PLAAT4: variants seen among roughly 807,000 people sequenced by gnomAD.
The protein encoded by PLAAT4 is phospholipase A and acyltransferase 4, also known as HRAS-like suppressor 4.
A neutral mutation model predicts 14.1 loss-of-function variants in PLAAT4; 12 were observed. That is an observed-to-expected ratio of 0.85 (90% confidence interval 0.54 to 1.37). The LOEUF (loss-of-function observed/expected upper bound fraction) is 1.37, where lower values mean the gene tolerates loss of function less well. PLAAT4 is among the 40% of genes most tolerant of loss of function. PLAAT4 has a pLI of 0.00. For missense variants in PLAAT4, 163 were observed against 211.7 expected (o/e 0.77, Z 1.43); for synonymous variants, 77 against 79.8 (o/e 0.96, Z 0.19).
intron 2 of PLAAT4, among the ~76,000 whole-genome samples, chr11:63,541,328 G>A (rs1200596450): frequency 6.6e-6 from 1 of 151,880 alleles, no homozygotes; most frequent in Non-Finnish European, 1.5e-5. Flanking sequence ...AATAGCTGAG[G>A]CTACAGGCGC....
At chr11:63,538,216 C>T (rs1007054994) in intron 1 of PLAAT4, among the ~76,000 whole-genome samples, 1 of 151,702 alleles carries the variant, frequency 6.6e-6, no homozygotes, top group South Asian at 2.1e-4. Flanking sequence ...TGAGGAAGGG[C>T]CAGTCAGGAA....
At position 63,539,506 on chromosome 11, in the gene PLAAT4, T is replaced by G; in HGVS notation, c.10-10T>G. 6.2e-7 allele frequency: 1 copy of G among 1,612,092 alleles called. No homozygotes were observed. Among genetic ancestry groups the G allele is most frequent in the Non-Finnish European group, 8.5e-7 (1 of 1,178,286 alleles). ...GGCCGGGTACTCCATCTCTGGCTTTTCTGTTGCAGCCACACCAAGAGCCCA... is the reference window on the plus strand; with the variant it reads ...GGCCGGGTACTCCATCTCTGGCTTTGCTGTTGCAGCCACACCAAGAGCCCA... On this transcript the variant is annotated splice_polypyrimidine_tract_variant and intron_variant, in intron 1 of 3. Coordinates refer to ENST00000255688, the MANE Select transcript of PLAAT4 (RefSeq NM_004585.5).
At position 63,546,348 on chromosome 11, in the gene PLAAT4, C is replaced by A; in HGVS notation, c.*92C>A. 1 of 1,108,736 alleles carries A rather than the reference C, an allele frequency of 9.0e-7. No homozygotes were observed. Among genetic ancestry groups the A allele is most frequent in the Non-Finnish European group, 1.4e-6 (1 of 731,724 alleles). The allele number at this position is 1,108,736 out of a possible 1,614,324, so 68.7% of individuals were successfully genotyped here. On this transcript the variant is annotated 3_prime_UTR_variant, in exon 4 of 4. Coordinates refer to ENST00000255688, the MANE Select transcript of PLAAT4 (RefSeq NM_004585.5). ...CCTCCAGCAGCCTGACCCTCGTGCC[C>A]TGTCTCAGGCGTTCTCTAGATCCTT...
At chr11:63,540,710 C>T (rs2017314916) in intron 2 of PLAAT4, among the ~76,000 whole-genome samples, 1 of 152,140 alleles carries the variant, frequency 6.6e-6, no homozygotes, top group Non-Finnish European at 1.5e-5. Flanking sequence ...TCTGTAATCC[C>T]AGCTACTCAG....
chr11:63,546,381 T>C lies in PLAAT4; in HGVS notation c.*125T>C, dbSNP rs937986527. 1 of 806,302 alleles carries C rather than the reference T, an allele frequency of 1.2e-6. No individual in the cohort carries two copies. The highest frequency in any genetic ancestry group is 1.7e-5 in the African/African-American group (1 of 58,046). The allele number at this position is 806,302 out of a possible 1,614,324, so 49.9% of individuals were successfully genotyped here. A position where few individuals can be genotyped will look rare whatever the true frequency, so the allele number is the denominator to read the frequency against. On this transcript the variant is annotated 3_prime_UTR_variant, in exon 4 of 4. Transcript: ENST00000255688. ...GGCGTTCTCTAGATCCTTTCCTCTG[T>C]TTCCCTCTCTCGCTGGCAAAAGTAT...
chr11:63,546,209 G>C lies in PLAAT4; in HGVS notation c.448G>C (p.Gly150Arg). 6.2e-7 allele frequency: 1 copy of C among 1,614,104 alleles called. No homozygotes were observed. The highest frequency in any genetic ancestry group is 8.5e-7 in the Non-Finnish European group (1 of 1,180,016). Reference sequence around the variant, plus strand: ...GGCGCTTGGAATCCTGGTTGTTGCTGGATGCTCTTTTGCGATTAGGAGATA... The same window carrying C: ...GGCGCTTGGAATCCTGGTTGTTGCTCGATGCTCTTTTGCGATTAGGAGATA... ...ATALGILVVA[G>R]CSFAIRRYQK... The change falls in exon 4 of 4, where the codon GGA becomes CGA. Residue 150 changes from glycine to arginine, a missense_variant. Physicochemically the swap from Gly to Arg is moderately radical, Grantham distance 125. Coordinates refer to ENST00000255688, the MANE Select transcript of PLAAT4 (RefSeq NM_004585.5).
rs776662198 is a variant in PLAAT4, at chr11:63,539,599, C to T, written c.93C>T (p.Gly31=). 6.2e-7 allele frequency: 1 copy of T among 1,611,652 alleles called. No homozygotes were observed. Among genetic ancestry groups the T allele is most frequent in the Non-Finnish European group, 8.5e-7 (1 of 1,177,810 alleles). ...ACTGGGCCCTGTATATAGGAGATGG[C>T]TACGTGATCCATCTGGCTCCTCCAA... The part of the protein sequence containing the change: ...YEHWALYIGD[G]YVIHLAPPSE... The change falls in exon 2 of 4, where the codon GGC becomes GGT. Residue 31 remains glycine (G), a synonymous_variant. Coordinates refer to ENST00000255688, the MANE Select transcript of PLAAT4 (RefSeq NM_004585.5).
chr11:63,539,638 A>T lies in PLAAT4; in HGVS notation c.118+14A>T, dbSNP rs2017305785. 2 of 1,566,730 alleles carry T rather than the reference A, an allele frequency of 1.3e-6. No homozygotes were observed. Among genetic ancestry groups the T allele is most frequent in the Non-Finnish European group, 1.8e-6 (2 of 1,140,272 alleles). On this transcript the variant is annotated intron_variant, in intron 2 of 3. Transcript: ENST00000255688. ...TGGCTCCTCCAAGTAAGGACTGATGAATATATAATTTTCAAAATATTTGTT... is the reference window on the plus strand; with the variant it reads ...TGGCTCCTCCAAGTAAGGACTGATGTATATATAATTTTCAAAATATTTGTT...
At chr11:63,544,591 C>T in intron 2 of PLAAT4, 30 bp from the exon 3 acceptor site, 1 of 1,596,110 alleles carries the variant, frequency 6.3e-7, no homozygotes, top group South Asian at 1.1e-5. Flanking sequence ...CTTCACCTTC[C>T]CCTGCCAGTG....
chr11:63,537,396 T>C (rs1244747925), intron 1 of PLAAT4, among the ~76,000 whole-genome samples: 2 of 152,092 alleles, frequency 1.3e-5, no homozygotes, highest in Non-Finnish European at 2.9e-5. Flanking sequence ...GATGTACCGA[T>C]TGGCAGAAGC....
chr11:63,544,820 C>T lies in PLAAT4; in HGVS notation c.318C>T (p.Tyr106=), dbSNP rs1471266451. The part of the protein sequence containing the change: ...AKEMVGQKMK[Y]SIVSRNCEHF... ...AGATGGTTGGTCAGAAGATGAAGTACAGTATTGTGAGCAGGAACTGTGAGC... is the reference window on the plus strand; with the variant it reads ...AGATGGTTGGTCAGAAGATGAAGTATAGTATTGTGAGCAGGAACTGTGAGC... Residue 106 remains tyrosine, a synonymous_variant, in exon 3 of 4, where the codon TAC becomes TAT. Coordinates refer to ENST00000255688, the MANE Select transcript of PLAAT4 (RefSeq NM_004585.5). 1 of 1,614,184 alleles carries T rather than the reference C, an allele frequency of 6.2e-7. No individual in the cohort carries two copies. Among genetic ancestry groups the T allele is most frequent in the Admixed American group, 1.7e-5 (1 of 60,018 alleles).
Position 63,544,670 on chromosome 11 carries a change from C to A in PLAAT4, c.168C>A (p.Asn56Lys). The A allele has an allele frequency of 1.9e-6, 3 of 1,614,152 alleles. No homozygotes were observed. Among genetic ancestry groups the A allele is most frequent in the Non-Finnish European group, 2.5e-6 (3 of 1,180,030 alleles). ...GSSSVFSVLS[N>K]SAEVKRERLE... ...CCAGTGTCTTCTCAGTCCTGAGCAA[C>A]AGTGCAGAGGTGAAACGGGAGCGCC... The change falls in exon 3 of 4, where the codon AAC (asparagine) becomes AAA (lysine). Residue 56 changes from asparagine (N) to lysine (K), a missense_variant. Transcript: ENST00000255688.
chr11:63,539,858 G>A (rs2134356586), intron 2 of PLAAT4, among the ~76,000 whole-genome samples: 1 of 152,346 alleles, frequency 6.6e-6, no homozygotes, highest in African/African-American at 2.4e-5. Context: ...CTACTCAGGA[G>A]GCTGAGGCAG....
chr11:63,536,987 T>A (rs1015154550), intron 1 of PLAAT4, 110 bp downstream of exon 1: 10 of 1,299,976 alleles, frequency 7.7e-6, no homozygotes, highest in Non-Finnish European at 1.1e-5. Flanking sequence ...CCAGAGCTCG[T>A]CTTTAGAAGG....
intron 2 of PLAAT4, 70 bp from the exon 3 acceptor site, chr11:63,544,540 CAGTAGTTCCTT>C: frequency 6.9e-7 from 1 of 1,446,450 alleles, no homozygotes; most frequent in Non-Finnish European, 9.4e-7. Flanking sequence ...GGATAAACAC[CAGTAGTTCCTT>C]AGTGGAGATT....
Position 63,539,602 on chromosome 11 carries a change from C to T in PLAAT4, c.96C>T (p.Tyr32=), listed in dbSNP as rs777708850. 6.8e-6 allele frequency: 11 copies of T among 1,611,018 alleles called. No individual in the cohort carries two copies. Among genetic ancestry groups the T allele is most frequent in the South Asian group, 4.4e-5 (4 of 90,994 alleles). ...EHWALYIGDG[Y]VIHLAPPSEY... ...GGGCCCTGTATATAGGAGATGGCTA[C>T]GTGATCCATCTGGCTCCTCCAAGTA... The change falls in exon 2 of 4, where the codon TAC becomes TAT. Residue 32 remains tyrosine, a synonymous_variant. Transcript: ENST00000255688.
Position 63,539,550 on chromosome 11 carries a change from A to G in PLAAT4, c.44A>G (p.Glu15Gly). Residue 15 changes from glutamate (E) to glycine (G), a missense_variant, in exon 2 of 4, where the codon GAG becomes GGG. Transcript: ENST00000255688. ...GAGCCCAAACCTGGAGACCTGATTG[A>G]GATTTTCCGCCTTGGCTATGAGCAC... ...HQEPKPGDLIEIFRLGYEHWA... is the reference protein window; with the variant it reads ...HQEPKPGDLIGIFRLGYEHWA... 1 of 1,614,092 alleles carries G rather than the reference A, an allele frequency of 6.2e-7. No individual in the cohort carries two copies. Among genetic ancestry groups the G allele is most frequent in the Non-Finnish European group, 8.5e-7 (1 of 1,179,968 alleles).
chr11:63,544,135 T>C (rs1003029891), intron 2 of PLAAT4, among the ~76,000 whole-genome samples: 5 of 152,062 alleles, frequency 3.3e-5, no homozygotes, highest in South Asian at 4.1e-4. Context: ...GAACAGGTAA[T>C]AAATATGCTT....
chr11:63,539,558 C>T lies in PLAAT4; in HGVS notation c.52C>T (p.Arg18Cys), dbSNP rs770983321. 53 of 1,613,990 alleles carry T rather than the reference C, an allele frequency of 3.3e-5. No homozygotes were observed. The highest frequency in any genetic ancestry group is 2.2e-4 in the Admixed American group (13 of 60,004). The part of the protein sequence containing the change: ...PKPGDLIEIF[R>C]LGYEHWALYI... ...ACCTGGAGACCTGATTGAGATTTTC[C>T]GCCTTGGCTATGAGCACTGGGCCCT... The change falls in exon 2 of 4, where the codon CGC (arginine) becomes TGC (cysteine). Residue 18 changes from arginine (R) to cysteine (C), a missense_variant. Transcript: ENST00000255688.
Sources: allele counts gnomAD v4.1 joint callset (sites outside exome capture counted in the v4.1 genomes callset), GRCh38; gene constraint gnomAD v4.1.1; transcripts MANE v1.5; gene names NCBI Gene and HGNC (gene_info 2026-07-23, HGNC 2026-07-21).